MATCAP2: variants seen among roughly 807,000 people sequenced by gnomAD.
MATCAP2 encodes the protein microtubule associated tyrosine carboxypeptidase 2, also known as putative tyrosine carboxypeptidase MATCAP2.
the MATCAP2 span, among the ~76,000 whole-genome samples, chr7:36,386,106 G>A: frequency 6.6e-6 from 1 of 151,904 alleles, no homozygotes; most frequent in East Asian, 1.9e-4. Flanking sequence ...AGTCAGCCGA[G>A]ATCAGGCCAC....
At chr7:36,324,860 A>G in the MATCAP2 span, 2 of 152,222 alleles carry the variant, frequency 1.3e-5, no homozygotes, top group Non-Finnish European at 2.9e-5. Context: ...ATCCATTTTA[A>G]AAGTCAGGAA....
chr7:36,361,341 T>C, the MATCAP2 span, among the ~76,000 whole-genome samples: 1 of 152,200 alleles, frequency 6.6e-6, no homozygotes, highest in Admixed American at 6.5e-5. Context: ...TGAGGTTTCA[T>C]AGTAATCAGG....
At chr7:36,335,160 C>T in the MATCAP2 span, 2 of 1,613,934 alleles carry the variant, frequency 1.2e-6, no homozygotes, top group South Asian at 1.1e-5. Flanking sequence ...AGCAGGTCCT[C>T]AGTGAGATGA....
the MATCAP2 span, among the ~76,000 whole-genome samples, chr7:36,328,827 C>T: frequency 6.6e-5 from 10 of 151,888 alleles, no homozygotes; most frequent in South Asian, 2.1e-4. Flanking sequence ...AGGCGCATCC[C>T]GAGGTCAGGA....
chr7:36,385,723 C>A, the MATCAP2 span, among the ~76,000 whole-genome samples: 2 of 151,322 alleles, frequency 1.3e-5, no homozygotes, highest in African/African-American at 4.9e-5. Context: ...GAATTTGAAG[C>A]TGCAGTGAGC....
At chr7:36,335,622 C>A in the MATCAP2 span, among the ~76,000 whole-genome samples, 1 of 152,190 alleles carries the variant, frequency 6.6e-6, no homozygotes, top group Non-Finnish European at 1.5e-5. Flanking sequence ...TTCATCTAAT[C>A]CCACAAGTTA....
At chr7:36,334,717 T>C in the MATCAP2 span, among the ~76,000 whole-genome samples, 2 of 152,118 alleles carry the variant, frequency 1.3e-5, no homozygotes, top group African/African-American at 4.8e-5. Flanking sequence ...ATTTACTTTT[T>C]TAAAGAGAAG....
the MATCAP2 span, among the ~76,000 whole-genome samples, chr7:36,379,813 TACACACACACACAC>T: frequency 1.0e-4 from 13 of 124,312 alleles, no homozygotes; most frequent in South Asian, 9.2e-4. Flanking sequence ...CAATGGTAAG[TACACACACACACAC>T]ACACACACAC....
the MATCAP2 span, chr7:36,333,981 T>C: frequency 6.2e-7 from 1 of 1,614,142 alleles, no homozygotes; most frequent in Admixed American, 1.7e-5. Context: ...GCTGGCTTGA[T>C]AAACAGTGTA....
At chr7:36,386,330 G>C in the MATCAP2 span, among the ~76,000 whole-genome samples, 3 of 152,126 alleles carry the variant, frequency 2.0e-5, no homozygotes, top group Admixed American at 1.3e-4. Context: ...AAAATATTTA[G>C]AAGAAAGTAC....
chr7:36,334,078 T>A, the MATCAP2 span: 2 of 1,614,072 alleles, frequency 1.2e-6, no homozygotes, highest in African/African-American at 2.7e-5. Context: ...GTGGGATTAT[T>A]TGGCTTTAGC....
At chr7:36,368,746 C>A in the MATCAP2 span, among the ~76,000 whole-genome samples, 2 of 152,214 alleles carry the variant, frequency 1.3e-5, no homozygotes, top group African/African-American at 2.4e-5. Flanking sequence ...TCATCCCCAA[C>A]TACTTCCTCC....
At chr7:36,327,210 C>T in the MATCAP2 span, among the ~76,000 whole-genome samples, 2 of 152,150 alleles carry the variant, frequency 1.3e-5, no homozygotes, top group African/African-American at 4.8e-5. Context: ...GTGATCTTGG[C>T]TCACTGCAAC....
At chr7:36,389,871 A>T in the MATCAP2 span, 3 of 1,347,884 alleles carry the variant, frequency 2.2e-6, no homozygotes, top group Non-Finnish European at 3.1e-6. Flanking sequence ...CGAGTCCGTC[A>T]CTGGAAGCCG....
At chr7:36,383,838 G>GT in the MATCAP2 span, 1 of 1,512,298 alleles carries the variant, frequency 6.6e-7, no homozygotes, top group South Asian at 1.2e-5. Context: ...TGTAAAAGAA[G>GT]TGGCCCTTCA....
At chr7:36,330,881 C>A in the MATCAP2 span, 1 of 686,788 alleles carries the variant, frequency 1.5e-6, no homozygotes, top group Non-Finnish European at 2.5e-6. Flanking sequence ...TGACAATAAA[C>A]TAAAAATACT....
At chr7:36,349,715 C>T in the MATCAP2 span, among the ~76,000 whole-genome samples, 14 of 152,220 alleles carry the variant, frequency 9.2e-5, no homozygotes. Context: ...AGGGGAAAAG[C>T]AGATATTCAA....
chr7:36,387,054 A>G, the MATCAP2 span, among the ~76,000 whole-genome samples: 2 of 152,250 alleles, frequency 1.3e-5, no homozygotes, highest in Non-Finnish European at 2.9e-5. Context: ...AATAAAATTT[A>G]GCAGTGAACA....
the MATCAP2 span, among the ~76,000 whole-genome samples, chr7:36,382,299 C>G: frequency 1.6e-5 from 1 of 62,934 alleles, no homozygotes; most frequent in African/African-American, 7.0e-5. Flanking sequence ...GCGTCTGTCT[C>G]AAAAAAAAAA....
Sources: gnomAD v4.1 joint callset for allele counts (sites outside exome capture counted in the v4.1 genomes callset) on GRCh38, gnomAD v4.1.1 for gene constraint, MANE v1.5 for transcripts, NCBI Gene and HGNC (gene_info 2026-07-23, HGNC 2026-07-21) for gene names.